Variants in CAV1 observed in about 807,000 individuals in gnomAD.
The protein encoded by CAV1 is caveolin-1.
Under a neutral mutation model 16.5 loss-of-function variants are expected in CAV1, and 10 were observed. That is an observed-to-expected ratio of 0.61 (90% CI 0.37 to 1.03). The LOEUF (loss-of-function observed/expected upper bound fraction) is 1.03. Ranked by LOEUF, CAV1 falls within the 50% of genes least tolerant of loss-of-function variation. The probability of loss-of-function intolerance (pLI) is 0.01; values close to 1 mark genes in which losing one functional copy is unlikely to be tolerated. For synonymous variants in CAV1, 76 were observed against 85.1 expected (o/e 0.89, Z 0.59); for missense variants, 212 against 232.8 (o/e 0.91, Z 0.58).
rs17160353 is a variant in CAV1 at position 116,526,168 on chromosome 7, A to AGGTCCTGCG, written c.31-338_31-330dup. The AGGTCCTGCG allele has an allele frequency of 1.1e-3, 606 of 543,280 alleles. 2 individuals carry two copies. In the East Asian group the frequency reaches 0.013, roughly 12 times the overall value. 33.7% of individuals were successfully genotyped at this position (543,280 alleles called of 1,614,324 possible). On this transcript the variant is annotated intron_variant, in intron 1 of 2. Transcript: ENST00000341049. ...GCCTGCGGCTGCCCCCTCGCCGCCG[A>AGGTCCTGCG]GGTCCTGCGGGTCCTGCGGGTCCTG...
intron 2 of CAV1, among the ~76,000 whole-genome samples, chr7:116,555,580 G>T (rs1239373764): frequency 2.9e-5 from 2 of 70,092 alleles, no homozygotes; most frequent in African/African-American, 6.0e-5. Flanking sequence ...AAGAAAGAAA[G>T]AAAGAAAGAA....
intron 2 of CAV1, among the ~76,000 whole-genome samples, chr7:116,556,535 A>AT (rs1280545166): frequency 2.0e-5 from 3 of 152,076 alleles, no homozygotes; most frequent in African/African-American, 7.2e-5. Flanking sequence ...TGAACCTCAC[A>AT]TTTTTTCTAT....
intron 2 of CAV1, among the ~76,000 whole-genome samples, chr7:116,556,515 T>G (rs1261272566): frequency 2.0e-5 from 3 of 152,214 alleles, no homozygotes; most frequent in Admixed American, 2.0e-4. Flanking sequence ...GGACAACTCA[T>G]TAGCATTTCT....
Position 116,555,601 on chromosome 7 carries a change from AAAGAGAAAGAAAGAAAGAAGGG to A in CAV1, c.196-3343_196-3322del, listed in dbSNP as rs1219643949. ...GAAAGAAAGAAAGAAAGAAAGAAAG[AAAGAGAAAGAAAGAAAGAAGGG>A]AGGGAGGGAGGGAGAGGAGAGAAAG... On this transcript the variant is annotated intron_variant, in intron 2 of 2. Coordinates refer to ENST00000341049, the MANE Select transcript of CAV1 (RefSeq NM_001753.5). Among the ~76,000 whole-genome samples the A allele has an allele frequency of 7.4e-4, 87 of 117,034 alleles. 4 individuals carry two copies. Among genetic ancestry groups the A allele is most frequent in the East Asian group, 2.9e-3 (13 of 4,544 alleles). The allele number at this position is 117,034 out of a possible 152,430, so 76.8% of individuals were successfully genotyped here.
Position 116,525,056 on chromosome 7 carries a change from G to A in CAV1, c.-7G>A, listed in dbSNP as rs1331330005. 4 of 1,614,082 alleles carry A rather than the reference G, an allele frequency of 2.5e-6. No homozygotes were observed. In the African/African-American group the frequency reaches 5.3e-5, roughly 22 times the overall value. The stretch of plus-strand genomic sequence containing the variant: ...TCCTCACAGTTTTCATCCAGCCACG[G>A]GCCAGCATGTCTGGGGGCAAATACG... On this transcript the variant is annotated 5_prime_UTR_variant, in exon 1 of 3. Coordinates refer to ENST00000341049, the MANE Select transcript of CAV1 (RefSeq NM_001753.5).
chr7:116,541,862 G>A (rs1793948267), intron 2 of CAV1, among the ~76,000 whole-genome samples: 1 of 151,924 alleles, frequency 6.6e-6, no homozygotes, highest in Non-Finnish European at 1.5e-5. Context: ...TAATAGTCGT[G>A]TGTTAAATTC....
chr7:116,541,884 A>G (rs1793948551), intron 2 of CAV1, among the ~76,000 whole-genome samples: 1 of 152,142 alleles, frequency 6.6e-6, no homozygotes, highest in African/African-American at 2.4e-5. Context: ...TTATTTGTCT[A>G]TATAACTTCT....
chr7:116,540,065 T>A (rs983300765), intron 2 of CAV1, among the ~76,000 whole-genome samples: 2 of 152,198 alleles, frequency 1.3e-5, no homozygotes, highest in Non-Finnish European at 2.9e-5. Context: ...AACCGAAGCC[T>A]CTGCTTCCTT....
At chr7:116,544,947 T>C (rs571948122) in intron 2 of CAV1, among the ~76,000 whole-genome samples, 2 of 152,284 alleles carry the variant, frequency 1.3e-5, no homozygotes, top group South Asian at 4.1e-4. Context: ...GTTTCCTCAT[T>C]TCACTTACTC....
intron 2 of CAV1, among the ~76,000 whole-genome samples, chr7:116,536,664 C>T (rs562704446): frequency 6.6e-6 from 1 of 152,314 alleles, no homozygotes; most frequent in African/African-American, 2.4e-5. Context: ...AGGCATTTGT[C>T]TCTTTGTAGG....
At position 116,525,253 on chromosome 7, in the gene CAV1, G is replaced by A. The variant is rs561786978; in HGVS notation, c.30+161G>A. 9.7e-5 allele frequency: 156 copies of A among 1,601,478 alleles called. 1 individual carries two copies. In the African/African-American group the frequency reaches 2.0e-3, roughly 20 times the overall value. ...CCGCTGAGGAATGGGCCTGGGCGGG[G>A]AGGTGAAGAGAAGCCAGGAATGTTT... On this transcript the variant is annotated intron_variant, in intron 1 of 2. Transcript: ENST00000341049.
intron 1 of CAV1, 105 bp from the exon 2 acceptor site, chr7:116,526,420 C>T (rs958424677): frequency 8.9e-6 from 14 of 1,577,058 alleles, no homozygotes; most frequent in African/African-American, 8.1e-5. Context: ...AGGTTTCCCC[C>T]GCCGCCAGGC....
chr7:116,559,754 C>G lies in CAV1; in HGVS notation c.*467C>G. On this transcript the variant is annotated 3_prime_UTR_variant, in exon 3 of 3. Transcript: ENST00000341049. ...GCAGATTTTCAGCAAACTCTTTTCC[C>G]ACTGTTTAAGGAGTTAGTGGATTAC... The G allele has an allele frequency of 4.6e-6, 2 of 434,786 alleles. No homozygotes were observed. Among genetic ancestry groups the G allele is most frequent in the East Asian group, 6.8e-5 (2 of 29,562 alleles). The allele number at this position is 434,786 out of a possible 1,614,324, so 26.9% of individuals were successfully genotyped here.
chr7:116,549,267 A>G (rs770694299), intron 2 of CAV1, among the ~76,000 whole-genome samples: 1 of 152,124 alleles, frequency 6.6e-6, no homozygotes, highest in Non-Finnish European at 1.5e-5. Context: ...ATCATATTCC[A>G]GTGCGTGTCC....
At chr7:116,537,351 G>C (rs913901108) in intron 2 of CAV1, among the ~76,000 whole-genome samples, 3 of 152,136 alleles carry the variant, frequency 2.0e-5, no homozygotes, top group African/African-American at 7.2e-5. Context: ...GTGCAAGTGG[G>C]AGTGAGACAG....
At position 116,555,476 on chromosome 7, in the gene CAV1, GAGGA is replaced by G. The variant is rs1374881401; in HGVS notation, c.196-3468_196-3465del. Among the ~76,000 whole-genome samples the G allele has an allele frequency of 2.7e-3, 99 of 36,478 alleles. 4 individuals carry two copies. Among genetic ancestry groups the G allele is most frequent in the East Asian group, 5.2e-3 (4 of 774 alleles). The allele number at this position is 36,478 out of a possible 152,430, so 23.9% of individuals were successfully genotyped here. A position where few individuals can be genotyped will look rare whatever the true frequency, so the allele number is the denominator to read the frequency against. The stretch of plus-strand genomic sequence containing the variant: ...GGAAGGAAGGAAGGAAGGAAGGAAG[GAGGA>G]AAGAAAAGAAAGAAAGAAAGAAAGA... On this transcript the variant is annotated intron_variant, in intron 2 of 2. Coordinates refer to ENST00000341049, the MANE Select transcript of CAV1 (RefSeq NM_001753.5).
chr7:116,537,504 C>G (rs1006919398), intron 2 of CAV1, among the ~76,000 whole-genome samples: 1 of 152,122 alleles, frequency 6.6e-6, no homozygotes, highest in Non-Finnish European at 1.5e-5. Context: ...GAAACTCAGG[C>G]TTAGCAGATT....
intron 2 of CAV1, among the ~76,000 whole-genome samples, chr7:116,549,731 C>T (rs1794120708): frequency 6.6e-6 from 1 of 152,044 alleles, no homozygotes; most frequent in Non-Finnish European, 1.5e-5. Flanking sequence ...ATGGCTACAT[C>T]CTTTCAATGA....
At chr7:116,550,876 C>A (rs1303150736) in intron 2 of CAV1, among the ~76,000 whole-genome samples, 1 of 152,062 alleles carries the variant, frequency 6.6e-6, no homozygotes, top group Non-Finnish European at 1.5e-5. Context: ...TATCCTTAAC[C>A]AGTAATACAT....
Sources: gnomAD v4.1 joint callset for allele counts (sites outside exome capture counted in the v4.1 genomes callset) on GRCh38, gnomAD v4.1.1 for gene constraint, MANE v1.5 for transcripts, NCBI Gene and HGNC (gene_info 2026-07-23, HGNC 2026-07-21) for gene names.